PLPPR5: variants seen among roughly 807,000 people sequenced by gnomAD.
PLPPR5 encodes phospholipid phosphatase related 5.
A neutral mutation model predicts 33.9 loss-of-function variants in PLPPR5; 16 were observed. That is an observed-to-expected ratio of 0.47 (90% CI 0.32 to 0.72). PLPPR5 has a LOEUF of 0.72. Among genes scored for constraint, PLPPR5 ranks in the 30% least tolerant of loss-of-function variants. The pLI is 0.03. For missense variants in PLPPR5, 301 were observed against 406.7 expected (o/e 0.74, Z 2.23); for synonymous variants, 163 against 150.3 (o/e 1.08, Z -0.62).
intron 3 of PLPPR5, among the ~76,000 whole-genome samples, chr1:98,926,041 C>A (rs1001382324): frequency 5.9e-5 from 9 of 152,150 alleles, no homozygotes; most frequent in Admixed American, 2.6e-4. Flanking sequence ...GCTTCTTTCA[C>A]CCTTTTCTTA....
At chr1:98,910,338 T>A (rs878965946) in intron 5 of PLPPR5, among the ~76,000 whole-genome samples, 1 of 152,192 alleles carries the variant, frequency 6.6e-6, no homozygotes, top group East Asian at 1.9e-4. Context: ...ACTTGTTTAC[T>A]AGTATGAGCC....
At chr1:98,999,289 A>C (rs1051363427) in intron 1 of PLPPR5, among the ~76,000 whole-genome samples, 4 of 152,188 alleles carry the variant, frequency 2.6e-5, no homozygotes, top group Non-Finnish European at 5.9e-5. Context: ...ATGTTAACCC[A>C]TTTCATACTC....
chr1:98,902,439 T>G (rs61788483), intron 5 of PLPPR5, among the ~76,000 whole-genome samples: 3,554 of 152,240 alleles, frequency 0.023, 69 homozygotes, highest in Non-Finnish European at 0.031. Flanking sequence ...TTATTCAGAT[T>G]TTCAGATCAT....
At chr1:98,994,515 T>C (rs1013035962) in intron 1 of PLPPR5, among the ~76,000 whole-genome samples, 9 of 152,178 alleles carry the variant, frequency 5.9e-5, no homozygotes, top group Non-Finnish European at 1.2e-4. Context: ...ATTTTGTATG[T>C]CTATTCTAGA....
At chr1:98,960,106 A>T (rs528997928) in intron 1 of PLPPR5, among the ~76,000 whole-genome samples, 1 of 152,042 alleles carries the variant, frequency 6.6e-6, no homozygotes, top group East Asian at 1.9e-4. Flanking sequence ...TGTGATATCC[A>T]TGGAACCCCT....
intron 1 of PLPPR5, among the ~76,000 whole-genome samples, chr1:98,990,633 AAAATG>A (rs1461176153): frequency 6.6e-6 from 1 of 152,180 alleles, no homozygotes; most frequent in Non-Finnish European, 1.5e-5. Context: ...GATTAAACAA[AAAATG>A]AAATGAATAT....
intron 1 of PLPPR5, among the ~76,000 whole-genome samples, chr1:98,973,043 A>G (rs1651711644): frequency 1.3e-5 from 2 of 152,102 alleles, no homozygotes; most frequent in African/African-American, 4.8e-5. Flanking sequence ...GAGTGGACAG[A>G]GAAGAGACAC....
rs58092144 is a variant in PLPPR5 at position 98,893,618 on chromosome 1, CTTTTTTT to C, written c.934-521_934-515del. ...TCTACCACAGAATTCTTCACAGCGC[CTTTTTTT>C]TTTTTTTTTTTTTTTGGGAAATCAA... On this transcript the variant is annotated intron_variant, in intron 5 of 5. Coordinates refer to ENST00000263177, the MANE Select transcript of PLPPR5 (RefSeq NM_001037317.2). 3.3e-5 allele frequency among the ~76,000 whole-genome samples: 3 copies of C among 90,076 alleles called. No homozygotes were observed. In the Admixed American group the frequency reaches 3.8e-4, roughly 11 times the overall value. 59.1% of individuals were successfully genotyped at this position (90,076 alleles called of 152,430 possible). A position where few individuals can be genotyped will look rare whatever the true frequency, so the allele number is the denominator to read the frequency against.
chr1:98,965,672 T>C (rs1210429691), intron 1 of PLPPR5, among the ~76,000 whole-genome samples: 1 of 152,210 alleles, frequency 6.6e-6, no homozygotes, highest in East Asian at 1.9e-4. Context: ...GATGACAAAA[T>C]ACTGAAGTTT....
intron 5 of PLPPR5, among the ~76,000 whole-genome samples, chr1:98,904,167 A>T (rs1044036022): frequency 4.7e-4 from 71 of 152,064 alleles, no homozygotes; most frequent in African/African-American, 1.7e-3. Context: ...GTGCTTTTAC[A>T]TGATGAGCTT....
intron 1 of PLPPR5, among the ~76,000 whole-genome samples, chr1:98,973,763 T>A (rs893408644): frequency 1.3e-5 from 2 of 151,578 alleles, no homozygotes; most frequent in Non-Finnish European, 2.9e-5. Flanking sequence ...TGGGCCCACT[T>A]GGCTGGCATG....
At chr1:98,996,879 CTGCTAGGAA>C (rs1290663733) in intron 1 of PLPPR5, among the ~76,000 whole-genome samples, 6 of 152,038 alleles carry the variant, frequency 3.9e-5, no homozygotes, top group Non-Finnish European at 8.8e-5. Context: ...TCTCCCTTGC[CTGCTAGGAA>C]TGCCATCATT....
At chr1:99,003,094 T>TATATAC (rs1652929993) in intron 1 of PLPPR5, among the ~76,000 whole-genome samples, 7 of 132,444 alleles carry the variant, frequency 5.3e-5, no homozygotes, top group Admixed American at 1.5e-4. Context: ...TATATATATA[T>TATATAC]ATGTAAAACA....
chr1:98,977,922 G>A (rs1301152169), intron 1 of PLPPR5, among the ~76,000 whole-genome samples: 7 of 151,876 alleles, frequency 4.6e-5, no homozygotes, highest in Non-Finnish European at 1.0e-4. Context: ...TGGCATGGTA[G>A]AATATCAAGA....
intron 5 of PLPPR5, among the ~76,000 whole-genome samples, chr1:98,901,478 T>C (rs1648691909): frequency 6.6e-6 from 1 of 152,086 alleles, no homozygotes; most frequent in African/African-American, 2.4e-5. Context: ...TAAAAAAAAT[T>C]AGGCCCACCA....
At chr1:98,982,327 C>T (rs1410554897) in intron 1 of PLPPR5, among the ~76,000 whole-genome samples, 1 of 152,042 alleles carries the variant, frequency 6.6e-6, no homozygotes, top group African/African-American at 2.4e-5. Flanking sequence ...AATGGAGTCA[C>T]TCATACTAAC....
At chr1:98,973,912 C>T (rs564622213) in intron 1 of PLPPR5, among the ~76,000 whole-genome samples, 1 of 151,870 alleles carries the variant, frequency 6.6e-6, no homozygotes, top group African/African-American at 2.4e-5. Context: ...GGGGTGGGGT[C>T]AGACCTATGC....
intron 1 of PLPPR5, among the ~76,000 whole-genome samples, chr1:98,958,993 G>A (rs1171710355): frequency 6.6e-6 from 1 of 150,652 alleles, no homozygotes; most frequent in Non-Finnish European, 1.5e-5. Flanking sequence ...AAACTCCCTA[G>A]AATGTAGTAG....
At chr1:98,924,714 T>A (rs984425743) in intron 3 of PLPPR5, among the ~76,000 whole-genome samples, 71 of 152,256 alleles carry the variant, frequency 4.7e-4, no homozygotes, top group African/African-American at 1.7e-3. Context: ...CCCTGTGAAG[T>A]TTCTCTTGAA....
Sources: allele counts gnomAD v4.1 joint callset (sites outside exome capture counted in the v4.1 genomes callset), GRCh38; gene constraint gnomAD v4.1.1; transcripts MANE v1.5; gene names NCBI Gene and HGNC (gene_info 2026-07-23, HGNC 2026-07-21).